Variants in ZNRF2 observed in about 807,000 individuals in gnomAD.
The protein encoded by ZNRF2 is E3 ubiquitin-protein ligase ZNRF2.
Under a neutral mutation model 20.4 loss-of-function variants are expected in ZNRF2, and 16 were observed. That is an observed-to-expected ratio of 0.79 (90% CI 0.53 to 1.19). The LOEUF (loss-of-function observed/expected upper bound fraction) is 1.19, where lower values mean the gene tolerates loss of function less well. ZNRF2 is among the 50% of genes most tolerant of loss of function. The pLI is 0.00. For missense variants in ZNRF2, 363 were observed against 332.4 expected (o/e 1.09, Z -0.72); for synonymous variants, 178 against 144.9 (o/e 1.23, Z -1.64).
chr7:30,347,698 G>A lies in ZNRF2; in HGVS notation c.566-8030G>A, dbSNP rs534864635. On this transcript the variant is annotated intron_variant, in intron 2 of 4. Coordinates refer to ENST00000323037, the MANE Select transcript of ZNRF2 (RefSeq NM_147128.4). Reference sequence around the variant, plus strand: ...ACTGCACTCCAGCCCAAGTAACAGAGCAAGACTCTGTCTCAAAAAAAATAA... The same window carrying A: ...ACTGCACTCCAGCCCAAGTAACAGAACAAGACTCTGTCTCAAAAAAAATAA... Among the ~76,000 whole-genome samples, 3 of 152,214 alleles carry A rather than the reference G, an allele frequency of 2.0e-5. No homozygotes were observed. The South Asian group carries it at 6.2e-4, about 32-fold the overall frequency.
At chr7:30,339,152 T>C (rs1799759217) in intron 2 of ZNRF2, among the ~76,000 whole-genome samples, 1 of 151,430 alleles carries the variant, frequency 6.6e-6, no homozygotes, top group Admixed American at 6.6e-5. Context: ...AAGTTGTTTA[T>C]AGATCTGGAT....
chr7:30,346,877 G>A (rs1799887597), intron 2 of ZNRF2, among the ~76,000 whole-genome samples: 2 of 151,998 alleles, frequency 1.3e-5, no homozygotes, highest in Admixed American at 6.6e-5. Flanking sequence ...TCTTCTTACA[G>A]TTTTATTAAT....
intron 2 of ZNRF2, among the ~76,000 whole-genome samples, chr7:30,345,630 A>G (rs894194683): frequency 6.6e-5 from 10 of 151,582 alleles, no homozygotes; most frequent in South Asian, 2.1e-4. Flanking sequence ...TAGAACTTCT[A>G]TTATGCACCT....
intron 1 of ZNRF2, among the ~76,000 whole-genome samples, chr7:30,288,396 A>G (rs1175566297): frequency 6.6e-6 from 1 of 152,214 alleles, no homozygotes; most frequent in Non-Finnish European, 1.5e-5. Flanking sequence ...GGTACTAATA[A>G]GATTCAAAAT....
At chr7:30,297,328 C>G (rs1011190141) in intron 1 of ZNRF2, among the ~76,000 whole-genome samples, 1 of 152,114 alleles carries the variant, frequency 6.6e-6, no homozygotes, top group African/African-American at 2.4e-5. Flanking sequence ...TTGCCTGCCT[C>G]TCTCTTATGT....
rs71536219 is a variant in ZNRF2 at position 30,295,050 on chromosome 7, A to AGTGT, written c.469+9272_469+9275dup. On this transcript the variant is annotated intron_variant, in intron 1 of 4. Transcript: ENST00000323037. ...GAGAGAGAGAGAGAGAGAGAGAGAG[A>AGTGT]GTGTGTGTGTGTGTGTGTGTGTGTG... Among the ~76,000 whole-genome samples, 301 of 38,268 alleles carry AGTGT rather than the reference A, an allele frequency of 7.9e-3. 7 individuals are homozygous for AGTGT. Among genetic ancestry groups the AGTGT allele is most frequent in the East Asian group, 0.016 (16 of 982 alleles). The allele number at this position is 38,268 out of a possible 152,430, so 25.1% of individuals were successfully genotyped here. A position where few individuals can be genotyped will look rare whatever the true frequency, so the allele number is the denominator to read the frequency against.
At chr7:30,323,204 A>G (rs924335685) in intron 1 of ZNRF2, among the ~76,000 whole-genome samples, 3 of 152,092 alleles carry the variant, frequency 2.0e-5, no homozygotes, top group African/African-American at 7.3e-5. Flanking sequence ...ATTGAGGTAG[A>G]ATAGTGTCTA....
chr7:30,351,084 A>T (rs1562620545), intron 2 of ZNRF2, among the ~76,000 whole-genome samples: 1 of 147,428 alleles, frequency 6.8e-6, no homozygotes, highest in African/African-American at 2.5e-5. Context: ...CTATATGGAT[A>T]TGTGCTTGGA....
chr7:30,332,643 G>A (rs1324627669), intron 2 of ZNRF2, among the ~76,000 whole-genome samples: 1 of 152,068 alleles, frequency 6.6e-6, no homozygotes, highest in Non-Finnish European at 1.5e-5. Context: ...TTCTGTTTCT[G>A]CGTTAATTTA....
intron 2 of ZNRF2, among the ~76,000 whole-genome samples, chr7:30,343,911 C>CTTTTTT (rs34643391): frequency 1.3e-4 from 11 of 81,512 alleles, no homozygotes; most frequent in African/African-American, 2.4e-4. Context: ...GGGTGGCCAG[C>CTTTTTT]TTTTTTTTTT....
At chr7:30,336,384 C>T (rs1319337457) in intron 2 of ZNRF2, among the ~76,000 whole-genome samples, 6 of 151,066 alleles carry the variant, frequency 4.0e-5, no homozygotes, top group African/African-American at 1.5e-4. Flanking sequence ...TTCTCAGCCA[C>T]TGAGTAGTTT....
In ZNRF2 at chr7:30,355,610, C is replaced by G. The variant is rs781666861; in HGVS notation, c.566-118C>G. On this transcript the variant is annotated intron_variant, in intron 2 of 4. Coordinates refer to ENST00000323037, the MANE Select transcript of ZNRF2 (RefSeq NM_147128.4). The stretch of plus-strand genomic sequence containing the variant: ...CGTGCTGAGTTTTATGTATTTCTGG[C>G]GAAAAGATATGCCAAGTAAGGTGGA... The G allele has an allele frequency of 7.3e-6, 5 of 689,626 alleles. No homozygotes were observed. The East Asian group carries it at 8.5e-5, about 12-fold the overall frequency. The allele number at this position is 689,626 out of a possible 1,614,324, so 42.7% of individuals were successfully genotyped here.
intron 1 of ZNRF2, among the ~76,000 whole-genome samples, chr7:30,287,407 A>T (rs1165295067): frequency 6.6e-6 from 1 of 152,258 alleles, no homozygotes; most frequent in African/African-American, 2.4e-5. Context: ...TGAATAGGAA[A>T]AGCCTTGTCA....
At chr7:30,346,170 A>ATTTTTTTTTTTTTTT (rs70980598) in intron 2 of ZNRF2, among the ~76,000 whole-genome samples, 1 of 23,676 alleles carries the variant, frequency 4.2e-5, no homozygotes, top group African/African-American at 9.8e-5. Context: ...GTTAAGTCTG[A>ATTTTTTTTTTTTTTT]TTTTTTTTTT....
chr7:30,357,703 G>T (rs1266622491), intron 3 of ZNRF2, among the ~76,000 whole-genome samples: 1 of 151,986 alleles, frequency 6.6e-6, no homozygotes, highest in African/African-American at 2.4e-5. Context: ...AGACACAGAA[G>T]AAATTAAAAA....
intron 1 of ZNRF2, among the ~76,000 whole-genome samples, chr7:30,318,667 G>C (rs1052596770): frequency 6.6e-6 from 1 of 152,168 alleles, no homozygotes; most frequent in African/African-American, 2.4e-5. Context: ...AAGTAGGGTT[G>C]GGCCACTGGA....
Position 30,361,632 on chromosome 7 carries a change from A to G in ZNRF2, c.672-745A>G, listed in dbSNP as rs960238775. On this transcript the variant is annotated intron_variant, in intron 3 of 4. Coordinates refer to ENST00000323037, the MANE Select transcript of ZNRF2 (RefSeq NM_147128.4). Reference sequence around the variant, plus strand: ...CTTTCTACCATAATGGAAATGTTCTATATCTATGCTGTCCCCTAGAGTAGT... The same window carrying G: ...CTTTCTACCATAATGGAAATGTTCTGTATCTATGCTGTCCCCTAGAGTAGT... Among the ~76,000 whole-genome samples the G allele has an allele frequency of 4.0e-4, 61 of 152,212 alleles. 1 individual carries two copies. Among genetic ancestry groups the G allele is most frequent in the African/African-American group, 1.3e-3 (54 of 41,464 alleles).
intron 2 of ZNRF2, among the ~76,000 whole-genome samples, chr7:30,345,034 C>G (rs1394816013): frequency 6.6e-6 from 1 of 152,136 alleles, no homozygotes; most frequent in Non-Finnish European, 1.5e-5. Context: ...TGACCGGTAT[C>G]AACTAGGGTT....
intron 3 of ZNRF2, among the ~76,000 whole-genome samples, chr7:30,359,016 G>A (rs115142142): frequency 0.022 from 3,368 of 152,204 alleles, 151 homozygotes; most frequent in African/African-American, 0.076. Context: ...TGCCAGAGAC[G>A]AAATTACAGT....
Sources: allele counts gnomAD v4.1 joint callset (sites outside exome capture counted in the v4.1 genomes callset), GRCh38; gene constraint gnomAD v4.1.1; transcripts MANE v1.5; gene names NCBI Gene and HGNC (gene_info 2026-07-23, HGNC 2026-07-21).